Variants in AK5 observed in about 807,000 individuals in gnomAD.
AK5 encodes adenylate kinase 5, also known as adenylate kinase isoenzyme 5.
Under a neutral mutation model 69.5 loss-of-function variants are expected in AK5, and 27 were observed. The ratio of observed to expected loss-of-function variants is 0.39; its 90% CI spans 0.29 to 0.54. The LOEUF is 0.54. Among genes scored for constraint, AK5 ranks in the 20% least tolerant of loss-of-function variants. AK5 has a pLI of 0.71. For synonymous variants in AK5, 260 were observed against 244.4 expected, an observed-to-expected ratio of 1.06 and a Z score of -0.60; for missense variants, 531 against 700.4, an observed-to-expected ratio of 0.76 and a Z score of 2.73.
intron 1 of AK5, among the ~76,000 whole-genome samples, chr1:77,285,246 T>C (rs977013431): frequency 1.3e-5 from 2 of 152,234 alleles, no homozygotes; most frequent in Admixed American, 6.5e-5. Flanking sequence ...ATGAGGCTAA[T>C]ACTGGCTTGG....
At chr1:77,341,509 A>G (rs376433598) in intron 6 of AK5, among the ~76,000 whole-genome samples, 4 of 152,196 alleles carry the variant, frequency 2.6e-5, no homozygotes, top group African/African-American at 9.6e-5. Context: ...GCCCATCCCA[A>G]TAAAAAGCAC....
At chr1:77,318,652 T>C (rs1416916141) in intron 5 of AK5, among the ~76,000 whole-genome samples, 1 of 152,044 alleles carries the variant, frequency 6.6e-6, no homozygotes, top group Non-Finnish European at 1.5e-5. Flanking sequence ...CCGGCTTGTT[T>C]TACCAGTGTG....
intron 6 of AK5, among the ~76,000 whole-genome samples, chr1:77,357,249 T>G (rs1453976): frequency 0.037 from 5,579 of 151,448 alleles, 199 homozygotes; most frequent in Admixed American, 0.097. Context: ...GGTATGGTGA[T>G]CCAAGGGCTG....
chr1:77,355,081 A>G (rs906339752), intron 6 of AK5, among the ~76,000 whole-genome samples: 3 of 152,204 alleles, frequency 2.0e-5, no homozygotes, highest in Non-Finnish European at 2.9e-5. Context: ...GTTCATGACA[A>G]ATGAATTCTA....
At chr1:77,393,072 G>A (rs905225211) in intron 6 of AK5, among the ~76,000 whole-genome samples, 5 of 152,048 alleles carry the variant, frequency 3.3e-5, no homozygotes, top group African/African-American at 9.7e-5. Flanking sequence ...AGCTGGGACT[G>A]CAGGTATGCC....
At chr1:77,299,938 T>TA (rs1659239543) in intron 5 of AK5, among the ~76,000 whole-genome samples, 1 of 152,156 alleles carries the variant, frequency 6.6e-6, no homozygotes. Context: ...TCTGGTGACT[T>TA]AAAAAACATT....
At chr1:77,370,424 T>G (rs561954699) in intron 6 of AK5, among the ~76,000 whole-genome samples, 12 of 152,214 alleles carry the variant, frequency 7.9e-5, no homozygotes, top group Non-Finnish European at 1.8e-4. Flanking sequence ...TTTCACACCA[T>G]GCAGAAAAAA....
At chr1:77,304,430 A>C (rs1284929194) in intron 5 of AK5, among the ~76,000 whole-genome samples, 2 of 134,840 alleles carry the variant, frequency 1.5e-5, no homozygotes, top group Non-Finnish European at 3.1e-5. Flanking sequence ...TTTGACATGG[A>C]GTTTCATTCT....
chr1:77,524,451 A>G (rs572425933), intron 12 of AK5, among the ~76,000 whole-genome samples: 1 of 152,322 alleles, frequency 6.6e-6, no homozygotes, highest in South Asian at 2.1e-4. Flanking sequence ...CTTCTCACCA[A>G]CACTTGTTAT....
intron 5 of AK5, among the ~76,000 whole-genome samples, chr1:77,305,920 A>G (rs1236886208): frequency 5.3e-5 from 8 of 152,150 alleles, no homozygotes; most frequent in Admixed American, 5.2e-4. Flanking sequence ...TTGAATCTAT[A>G]GATTGCTTGG....
intron 5 of AK5, among the ~76,000 whole-genome samples, chr1:77,305,247 G>A (rs1659572819): frequency 6.6e-6 from 1 of 152,054 alleles, no homozygotes; most frequent in South Asian, 2.1e-4. Context: ...CAGAGGGGTA[G>A]TTTGCAAATT....
intron 13 of AK5, among the ~76,000 whole-genome samples, chr1:77,537,988 T>C (rs945821747): frequency 6.6e-6 from 1 of 152,172 alleles, no homozygotes; most frequent in Non-Finnish European, 1.5e-5. Context: ...CTGAGACTTA[T>C]TTGTTGTGCT....
chr1:77,457,318 T>C (rs1653554163), intron 8 of AK5, among the ~76,000 whole-genome samples: 1 of 152,298 alleles, frequency 6.6e-6, no homozygotes, highest in African/African-American at 2.4e-5. Context: ...CATTTTACAG[T>C]TGGTTTTTAT....
chr1:77,503,852 C>T (rs575360406), intron 10 of AK5, among the ~76,000 whole-genome samples: 1 of 151,730 alleles, frequency 6.6e-6, no homozygotes, highest in East Asian at 1.9e-4. Context: ...TTGCAGTGAG[C>T]CGAGATTGTG....
intron 8 of AK5, among the ~76,000 whole-genome samples, chr1:77,461,641 G>T (rs988102292): frequency 6.6e-6 from 1 of 151,706 alleles, no homozygotes; most frequent in African/African-American, 2.4e-5. Context: ...ATGGTGGTGC[G>T]CAACTGTAAT....
At chr1:77,392,698 G>A (rs943184265) in intron 6 of AK5, among the ~76,000 whole-genome samples, 2 of 151,640 alleles carry the variant, frequency 1.3e-5, no homozygotes, top group African/African-American at 4.8e-5. Flanking sequence ...CTTCTGACAA[G>A]ACCGCTAAGT....
intron 6 of AK5, among the ~76,000 whole-genome samples, chr1:77,349,765 A>G (rs1177344499): frequency 1.3e-5 from 2 of 152,174 alleles, no homozygotes; most frequent in Non-Finnish European, 2.9e-5. Context: ...TGGACCTTGT[A>G]TTTTTGTTTA....
intron 13 of AK5, among the ~76,000 whole-genome samples, chr1:77,553,026 C>A (rs889387031): frequency 1.3e-4 from 20 of 152,216 alleles, no homozygotes; most frequent in African/African-American, 4.6e-4. Flanking sequence ...GGTGAGAGAG[C>A]AAAACCTTAC....
chr1:77,558,317 CA>C (rs1476974805), intron 13 of AK5, among the ~76,000 whole-genome samples: 1 of 152,190 alleles, frequency 6.6e-6, no homozygotes, highest in Non-Finnish European at 1.5e-5. Context: ...TTCCCACAAG[CA>C]ATGAGTGAGA....
Sources: gnomAD v4.1 joint callset for allele counts (sites outside exome capture counted in the v4.1 genomes callset) on GRCh38, gnomAD v4.1.1 for gene constraint, MANE v1.5 for transcripts, NCBI Gene and HGNC (gene_info 2026-07-23, HGNC 2026-07-21) for gene names.